MED13L: variants seen among roughly 807,000 people sequenced by gnomAD.
MED13L encodes the protein mediator of RNA polymerase II transcription subunit 13-like.
Under a neutral mutation model 220.9 loss-of-function variants are expected in MED13L, and 7 were observed. The observed-to-expected ratio is 0.03, with a 90% confidence interval of 0.02 to 0.06. The LOEUF (loss-of-function observed/expected upper bound fraction) is 0.06, where lower values mean the gene tolerates loss of function less well. Among genes scored for constraint, MED13L ranks in the 10% least tolerant of loss-of-function variants. MED13L has a pLI of 1.00. For synonymous variants in MED13L, 1,011 were observed against 1,015.2 expected (o/e 1.00, Z 0.08); for missense variants, 1,965 against 2,760.5 (o/e 0.71, Z 6.46).
chr12:116,077,264 T>A (rs1870875501), intron 4 of MED13L, among the ~76,000 whole-genome samples: 1 of 152,262 alleles, frequency 6.6e-6, no homozygotes, highest in Non-Finnish European at 1.5e-5. Flanking sequence ...CTTATCTTCA[T>A]AATAATACTG....
intron 2 of MED13L, among the ~76,000 whole-genome samples, chr12:116,176,553 G>C (rs534934852): frequency 2.0e-5 from 3 of 152,286 alleles, no homozygotes; most frequent in African/African-American, 7.2e-5. Context: ...TTTGACTGTA[G>C]TCTCAGTAGG....
chr12:116,142,788 C>A (rs976584325), intron 2 of MED13L, among the ~76,000 whole-genome samples: 1 of 152,298 alleles, frequency 6.6e-6, no homozygotes, highest in Admixed American at 6.5e-5. Context: ...GACACTTTTA[C>A]ATTACACACA....
intron 2 of MED13L, among the ~76,000 whole-genome samples, chr12:116,190,313 T>C (rs1308924323): frequency 1.3e-5 from 2 of 152,232 alleles, no homozygotes; most frequent in African/African-American, 4.8e-5. Context: ...CAATGGATTA[T>C]TGTGTTTGAT....
rs1245073064 is a variant in MED13L at position 116,119,806 on chromosome 12, C to CT, written c.311-8295dup. Among the ~76,000 whole-genome samples the CT allele has an allele frequency of 4.0e-4, 16 of 40,370 alleles. 1 individual carries two copies. The highest frequency in any genetic ancestry group is 2.3e-3 in the East Asian group (3 of 1,322). 26.5% of individuals were successfully genotyped at this position (40,370 alleles called of 152,430 possible). A position where few individuals can be genotyped will look rare whatever the true frequency, so the allele number is the denominator to read the frequency against. ...TAGGCAAGAGAGAAAGACCCCATAT[C>CT]TTTAAAAAAAAAAAAAAAAAAAAAA... On this transcript the variant is annotated intron_variant, in intron 2 of 30. Coordinates refer to ENST00000281928, the MANE Select transcript of MED13L (RefSeq NM_015335.5).
At chr12:115,990,954 A>G in intron 17 of MED13L, 66 bp downstream of exon 17, 4 of 1,552,474 alleles carry the variant, frequency 2.6e-6, no homozygotes, top group Non-Finnish European at 3.5e-6. Context: ...TACAGTAAAG[A>G]AAGCTTTTAA....
intron 1 of MED13L, among the ~76,000 whole-genome samples, chr12:116,273,514 T>C (rs1873563742): frequency 6.6e-6 from 1 of 152,056 alleles, no homozygotes. Flanking sequence ...ATTCAGACTT[T>C]CTACATTTAC....
intron 2 of MED13L, chr12:116,230,432 C>T (rs1869445103): frequency 1.0e-6 from 1 of 962,886 alleles, no homozygotes; most frequent in Non-Finnish European, 1.2e-6. Flanking sequence ...ATGAAACTTA[C>T]TTTTCAGGTG....
At chr12:116,250,625 A>T (rs1301365692) in intron 1 of MED13L, among the ~76,000 whole-genome samples, 1 of 150,262 alleles carries the variant, frequency 6.7e-6, no homozygotes, top group South Asian at 2.1e-4. Context: ...AAAAAAAAAA[A>T]AATTAGCCGG....
intron 28 of MED13L, among the ~76,000 whole-genome samples, chr12:115,968,458 A>C (rs1038865498): frequency 2.0e-5 from 3 of 152,220 alleles, no homozygotes; most frequent in African/African-American, 4.8e-5. Context: ...AGAAAGAAGA[A>C]GGCTGCAAAA....
intron 27 of MED13L, 26 bp downstream of exon 27, chr12:115,970,568 A>G: frequency 1.2e-6 from 2 of 1,610,370 alleles, no homozygotes; most frequent in Non-Finnish European, 1.7e-6. Context: ...GAAGGTGAGC[A>G]CTATCCATAC....
intron 3 of MED13L, 121 bp from the exon 4 acceptor site, chr12:116,096,873 A>T: frequency 1.3e-6 from 1 of 749,510 alleles, no homozygotes; most frequent in South Asian, 1.6e-5. Flanking sequence ...TAAACTATCA[A>T]AATGTTTTAT....
chr12:116,110,076 A>T (rs1309757374), intron 3 of MED13L: 2 of 152,202 alleles, frequency 1.3e-5, no homozygotes, highest in Admixed American at 6.6e-5. Flanking sequence ...GAAGAGACGT[A>T]AAAAGTTTTT....
intron 2 of MED13L, among the ~76,000 whole-genome samples, chr12:116,214,896 G>A (rs929872868): frequency 6.6e-5 from 10 of 152,144 alleles, no homozygotes; most frequent in Admixed American, 3.3e-4. Flanking sequence ...TCATTGGACT[G>A]ATAAATTCAG....
chr12:116,006,219 T>C, intron 12 of MED13L, 87 bp downstream of exon 12: 2 of 1,341,798 alleles, frequency 1.5e-6, no homozygotes, highest in Non-Finnish European at 2.1e-6. Context: ...CTTATTACAA[T>C]AAGAATAAAA....
At chr12:116,096,443 T>C (rs190881745) in intron 4 of MED13L, among the ~76,000 whole-genome samples, 264 of 146,384 alleles carry the variant, frequency 1.8e-3, no homozygotes, top group African/African-American at 5.5e-3. Context: ...CCAAATAGTA[T>C]AGTAATATGT....
At chr12:116,227,568 T>C (rs941720819) in intron 2 of MED13L, among the ~76,000 whole-genome samples, 2 of 152,178 alleles carry the variant, frequency 1.3e-5, no homozygotes, top group African/African-American at 4.8e-5. Context: ...CTGTGATCAG[T>C]GATCTTTGAT....
rs146602764 is a variant in MED13L at position 116,075,965 on chromosome 12, G to C, written c.479+20704C>G. 6.3e-3 allele frequency among the ~76,000 whole-genome samples: 926 copies of C among 148,070 alleles called. 12 individuals carry two copies. Among genetic ancestry groups the C allele is most frequent in the African/African-American group, 0.021 (849 of 39,806 alleles). The stretch of plus-strand genomic sequence containing the variant: ...GTCTCGCTCTGTCGCCCAGGCTGGA[G>C]TGCAGTGGCGCGATCTCGGCTCACT... On this transcript the variant is annotated intron_variant, in intron 4 of 30. Transcript: ENST00000281928.
intron 2 of MED13L, among the ~76,000 whole-genome samples, chr12:116,170,481 G>A (rs1185384174): frequency 6.6e-6 from 1 of 151,796 alleles, no homozygotes; most frequent in African/African-American, 2.4e-5. Context: ...ATAATTGCAC[G>A]AAAGCTTTCC....
intron 2 of MED13L, among the ~76,000 whole-genome samples, chr12:116,165,834 GGCTACACTAT>G (rs1427402361): frequency 1.3e-5 from 2 of 152,058 alleles, no homozygotes; most frequent in Non-Finnish European, 2.9e-5. Context: ...GCCCTTTTGT[GGCTACACTAT>G]GCCTAGTCTA....
Sources: allele counts gnomAD v4.1 joint callset (sites outside exome capture counted in the v4.1 genomes callset), GRCh38; gene constraint gnomAD v4.1.1; transcripts MANE v1.5; gene names NCBI Gene and HGNC (gene_info 2026-07-23, HGNC 2026-07-21).